NPTX2: variants seen among roughly 807,000 people sequenced by gnomAD.
NPTX2 encodes the protein neuronal pentraxin 2.
A neutral mutation model predicts 38.1 loss-of-function variants in NPTX2; 23 were observed. That is an observed-to-expected ratio of 0.60 (90% CI 0.43 to 0.85). NPTX2 has a LOEUF of 0.85. Ranked by LOEUF, NPTX2 falls within the 40% of genes least tolerant of loss-of-function variation. The probability of loss-of-function intolerance (pLI) is 0.00; values close to 1 mark genes in which losing one functional copy is unlikely to be tolerated. For synonymous variants in NPTX2, 291 were observed against 287.3 expected, an observed-to-expected ratio of 1.01 and a Z score of -0.13; for missense variants, 553 against 615.3, an observed-to-expected ratio of 0.90 and a Z score of 1.07.
chr7:98,617,353 A>G lies in NPTX2; in HGVS notation c.-109A>G. On this transcript the variant is annotated 5_prime_UTR_variant, in exon 1 of 5. Transcript: ENST00000265634. ...AGACTTCTGCCCCGCGGTGCACGCG[A>G]CCCTCGAGACGACAGCGCGGCTACT... 1 of 302,788 alleles carries G rather than the reference A, an allele frequency of 3.3e-6. No homozygotes were observed. The highest frequency in any genetic ancestry group is 6.0e-6 in the Non-Finnish European group (1 of 168,046). 18.8% of individuals were successfully genotyped at this position (302,788 alleles called of 1,614,324 possible).
chr7:98,617,868 A>G lies in NPTX2; in HGVS notation c.407A>G (p.Asp136Gly), dbSNP rs1791198863. 1 of 1,556,446 alleles carries G rather than the reference A, an allele frequency of 6.4e-7. No homozygotes were observed. Among genetic ancestry groups the G allele is most frequent in the Non-Finnish European group, 8.6e-7 (1 of 1,159,592 alleles). Reference sequence around the variant, plus strand: ...AGCCGCTCGCTGCAGACCCTCAAGGACCGCCTGGAGAGCCTCGAGGTAGCG... The same window carrying G: ...AGCCGCTCGCTGCAGACCCTCAAGGGCCGCCTGGAGAGCCTCGAGGTAGCG... ...QLSRSLQTLK[D>G]RLESLEHQLR... is the part of the protein sequence containing the mutation. Residue 136 changes from aspartate to glycine, a missense_variant, in exon 1 of 5, where the codon GAC becomes GGC. Physicochemically the swap from Asp to Gly is moderately conservative, Grantham distance 94. Coordinates refer to ENST00000265634, the MANE Select transcript of NPTX2 (RefSeq NM_002523.3).
chr7:98,625,075 C>T lies in NPTX2; in HGVS notation c.797C>T (p.Thr266Ile). 1 of 1,613,258 alleles carries T rather than the reference C, an allele frequency of 6.2e-7. No individual in the cohort carries two copies. Among genetic ancestry groups the T allele is most frequent in the Non-Finnish European group, 8.5e-7 (1 of 1,179,928 alleles). Residue 266 changes from threonine to isoleucine, a missense_variant, in exon 3 of 5, where the codon ACC (threonine) becomes ATC (isoleucine). Thr to Ile is a moderately conservative substitution (Grantham distance 89, BLOSUM62 -1). Coordinates refer to ENST00000265634, the MANE Select transcript of NPTX2 (RefSeq NM_002523.3). ...TCCAGCGCCTCACCAGGCATTGGCA[C>T]CCCCTTCTCCTATGCGGTGCCAGGG... ...LRSSASPGIGTPFSYAVPGQA... is the reference protein window; with the variant it reads ...LRSSASPGIGIPFSYAVPGQA...
In NPTX2 at chr7:98,617,620, G is replaced by T. The variant is rs1344183295; in HGVS notation, c.159G>T (p.Gln53His). 2 of 1,489,196 alleles carry T rather than the reference G, an allele frequency of 1.3e-6. No individual in the cohort carries two copies. The highest frequency in any genetic ancestry group is 1.3e-5 in the South Asian group (1 of 79,470). The allele number at this position is 1,489,196 out of a possible 1,614,324, so 92.2% of individuals were successfully genotyped here. Reference sequence around the variant, plus strand: ...CGATGCCCATGCAGGGCGGCGCGCAGAGTCCCGAGGAGGAGCTGAGGGCCG... The same window carrying T: ...CGATGCCCATGCAGGGCGGCGCGCATAGTCCCGAGGAGGAGCTGAGGGCCG... ...LPAMPMQGGA[Q>H]SPEEELRAAV... The change falls in exon 1 of 5, where the codon CAG becomes CAT. Residue 53 changes from glutamine (Q) to histidine (H), a missense_variant. Coordinates refer to ENST00000265634, the MANE Select transcript of NPTX2 (RefSeq NM_002523.3).
At position 98,625,145 on chromosome 7, in the gene NPTX2, C is replaced by T. The variant is rs369073829; in HGVS notation, c.867C>T (p.Ile289=). 445 of 1,598,352 alleles carry T rather than the reference C, an allele frequency of 2.8e-4. No individual in the cohort carries two copies. The highest frequency in any genetic ancestry group is 6.7e-4 in the Admixed American group (40 of 59,764). ...IVLIEWGNNP[I]ELLINDKVAQ... ...TGATCGAGTGGGGCAACAACCCCATCGAGCTGCTCATCAACGACAAGGTGA... is the reference window on the plus strand; with the variant it reads ...TGATCGAGTGGGGCAACAACCCCATTGAGCTGCTCATCAACGACAAGGTGA... The change falls in exon 3 of 5, where the codon ATC becomes ATT. Residue 289 remains isoleucine (I), a synonymous_variant. Transcript: ENST00000265634.
chr7:98,620,676 G>A (rs755665893), intron 2 of NPTX2, among the ~76,000 whole-genome samples: 20 of 152,162 alleles, frequency 1.3e-4, no homozygotes, highest in African/African-American at 3.1e-4. Flanking sequence ...TAAAGCAGCC[G>A]TTGCTGTGGC....
chr7:98,625,249 C>A (rs1791330656), intron 3 of NPTX2, 83 bp downstream of exon 3: 15 of 1,500,316 alleles, frequency 1.0e-5, no homozygotes, highest in Non-Finnish European at 1.3e-5. Context: ...GCCGTCCTCG[C>A]CCTCCTCGGG....
rs369530161 is a variant in NPTX2, at chr7:98,625,025, C to T, written c.747C>T (p.Ala249=). The T allele has an allele frequency of 2.5e-6, 4 of 1,613,922 alleles. No homozygotes were observed. Among genetic ancestry groups the T allele is most frequent in the Non-Finnish European group, 3.4e-6 (4 of 1,180,038 alleles). ...KIKKTLPELY[A]FTICLWLRSS... is the part of the protein sequence containing the mutation. Reference sequence around the variant, plus strand: ...AGAAGACGCTGCCTGAGCTGTACGCCTTCACCATCTGCCTGTGGCTGCGGT... The same window carrying T: ...AGAAGACGCTGCCTGAGCTGTACGCTTTCACCATCTGCCTGTGGCTGCGGT... The change falls in exon 3 of 5, where the codon GCC becomes GCT. Residue 249 remains alanine (A), a synonymous_variant. Transcript: ENST00000265634.
intron 2 of NPTX2, among the ~76,000 whole-genome samples, chr7:98,621,200 C>T (rs1052655867): frequency 1.3e-5 from 2 of 152,120 alleles, no homozygotes; most frequent in Admixed American, 6.5e-5. Context: ...CAGAAGCTGC[C>T]ACTTTGTGAC....
At position 98,628,867 on chromosome 7, in the gene NPTX2, A is replaced by C. The variant is rs1584145147; in HGVS notation, c.*238A>C. 2.5e-6 allele frequency: 1 copy of C among 397,096 alleles called. No homozygotes were observed. Among genetic ancestry groups the C allele is most frequent in the South Asian group, 1.0e-4 (1 of 10,018 alleles). 24.6% of individuals were successfully genotyped at this position (397,096 alleles called of 1,614,324 possible). A position where few individuals can be genotyped will look rare whatever the true frequency, so the allele number is the denominator to read the frequency against. The stretch of plus-strand genomic sequence containing the variant: ...TCCCCTGGGAAGATGCCCCCAAGAC[A>C]CCTGCCCCAAGTGGGTGGATATCTG... On this transcript the variant is annotated 3_prime_UTR_variant, in exon 5 of 5. Coordinates refer to ENST00000265634, the MANE Select transcript of NPTX2 (RefSeq NM_002523.3).
intron 2 of NPTX2, among the ~76,000 whole-genome samples, chr7:98,622,443 T>A (rs547211666): frequency 6.6e-5 from 10 of 152,344 alleles, no homozygotes; most frequent in African/African-American, 2.2e-4. Flanking sequence ...GCCATTTCTC[T>A]TTATTAGACA....
chr7:98,622,786 C>T (rs764469927), intron 2 of NPTX2, among the ~76,000 whole-genome samples: 1 of 152,196 alleles, frequency 6.6e-6, no homozygotes, highest in Non-Finnish European at 1.5e-5. Flanking sequence ...GCAGTGGCAT[C>T]GAGAGGTGCC....
intron 1 of NPTX2, among the ~76,000 whole-genome samples, chr7:98,618,294 G>C (rs1791209168): frequency 6.6e-6 from 1 of 151,922 alleles, no homozygotes; most frequent in African/African-American, 2.4e-5. Flanking sequence ...AGGCCGTGCG[G>C]GTTGCTGCGA....
chr7:98,627,025 A>C (rs1317105881), intron 3 of NPTX2, 140 bp from the exon 4 acceptor site: 1 of 595,742 alleles, frequency 1.7e-6, no homozygotes, highest in Non-Finnish European at 2.9e-6. Flanking sequence ...GCCCCCTTGC[A>C]TGTTCTCCAC....
intron 2 of NPTX2, among the ~76,000 whole-genome samples, chr7:98,623,138 C>T (rs547367570): frequency 6.6e-6 from 1 of 152,218 alleles, no homozygotes; most frequent in African/African-American, 2.4e-5. Context: ...CCGCCTGTCT[C>T]TGATGGCCTC....
intron 1 of NPTX2, among the ~76,000 whole-genome samples, chr7:98,618,213 T>TA (rs1458589799): frequency 6.6e-6 from 1 of 152,070 alleles, no homozygotes; most frequent in African/African-American, 2.4e-5. Context: ...GGGCGCCAAA[T>TA]ACCCGGGGAC....
Position 98,628,405 on chromosome 7 carries a change from A to G in NPTX2, c.1072A>G (p.Thr358Ala), listed in dbSNP as rs758149282. The stretch of plus-strand genomic sequence containing the variant: ...CTCTCTTGTTCCCATTCCCCAGGAC[A>G]CCGTGGGGGGTAGGTTTGATGCCAC... ...GVLILGQEQD[T>A]VGGRFDATQA... The change falls in exon 5 of 5, where the codon ACC becomes GCC. Residue 358 changes from threonine (T) to alanine (A), a missense_variant. Thr to Ala is a moderately conservative substitution (Grantham distance 58, BLOSUM62 0). Transcript: ENST00000265634. The G allele has an allele frequency of 1.3e-6, 2 of 1,560,162 alleles. No homozygotes were observed. Among genetic ancestry groups the G allele is most frequent in the Non-Finnish European group, 1.8e-6 (2 of 1,134,538 alleles).
chr7:98,617,859 C>T lies in NPTX2; in HGVS notation c.398C>T (p.Thr133Ile). 5.1e-6 allele frequency: 8 copies of T among 1,556,772 alleles called. No individual in the cohort carries two copies. The highest frequency in any genetic ancestry group is 6.9e-6 in the Non-Finnish European group (8 of 1,159,656). ...VVEQLSRSLQ[T>I]LKDRLESLEH... ...GAGCAGCTCAGCCGCTCGCTGCAGACCCTCAAGGACCGCCTGGAGAGCCTC... is the reference window on the plus strand; with the variant it reads ...GAGCAGCTCAGCCGCTCGCTGCAGATCCTCAAGGACCGCCTGGAGAGCCTC... The change falls in exon 1 of 5, where the codon ACC becomes ATC. Residue 133 changes from threonine (T) to isoleucine (I), a missense_variant. Transcript: ENST00000265634.
Position 98,628,644 on chromosome 7 carries a change from G to C in NPTX2, c.*15G>C. The C allele has an allele frequency of 2.3e-6, 3 of 1,312,226 alleles. No individual in the cohort carries two copies. Among genetic ancestry groups the C allele is most frequent in the Non-Finnish European group, 3.2e-6 (3 of 945,218 alleles). 81.3% of individuals were successfully genotyped at this position (1,312,226 alleles called of 1,614,324 possible). On this transcript the variant is annotated 3_prime_UTR_variant, in exon 5 of 5. Coordinates refer to ENST00000265634, the MANE Select transcript of NPTX2 (RefSeq NM_002523.3). Reference sequence around the variant, plus strand: ...TTGACTTGTAGCCGCCTTCTCCTCTGTCCAGGAGGCCGGGATCAGGCTGTT... The same window carrying C: ...TTGACTTGTAGCCGCCTTCTCCTCTCTCCAGGAGGCCGGGATCAGGCTGTT...
intron 3 of NPTX2, 72 bp from the exon 4 acceptor site, chr7:98,627,077 ACTGTGGGGTGTCCTTC>A (rs1791362405): frequency 7.4e-6 from 6 of 814,942 alleles, no homozygotes; most frequent in Non-Finnish European, 1.2e-5. Flanking sequence ...GCCCAGGGGG[ACTGTGGGGTGTCCTTC>A]CTGCTTCCTG....
Sources: allele counts gnomAD v4.1 joint callset (sites outside exome capture counted in the v4.1 genomes callset), GRCh38; gene constraint gnomAD v4.1.1; transcripts MANE v1.5; gene names NCBI Gene and HGNC (gene_info 2026-07-23, HGNC 2026-07-21).